IL1RAPL2: variants seen among roughly 807,000 people sequenced by gnomAD.
IL1RAPL2 encodes the protein interleukin 1 receptor accessory protein like 2, also known as X-linked interleukin-1 receptor accessory protein-like 2.
A neutral mutation model predicts 44.1 loss-of-function variants in IL1RAPL2; 3 were observed. That is an observed-to-expected ratio of 0.07 (90% CI 0.03 to 0.18). IL1RAPL2 has a LOEUF of 0.18. Ranked by LOEUF, IL1RAPL2 falls within the 10% of genes least tolerant of loss-of-function variation. The probability of loss-of-function intolerance (pLI) is 1.00; values close to 1 mark genes in which losing one functional copy is unlikely to be tolerated. For synonymous variants in IL1RAPL2, 181 were observed against 178.8 expected (o/e 1.01, Z -0.10); for missense variants, 391 against 496.4 (o/e 0.79, Z 2.02).
intron 5 of IL1RAPL2, among the ~76,000 whole-genome samples, chrX:105,357,106 A>G (rs773038535): frequency 1.8e-5 from 2 of 111,625 alleles, no homozygotes; most frequent in South Asian, 7.5e-4. Flanking sequence ...TTAAGAGCCA[A>G]AAAATCCTGG....
At chrX:105,631,222 C>T (rs1271356981) in intron 6 of IL1RAPL2, among the ~76,000 whole-genome samples, 2 of 111,575 alleles carry the variant, frequency 1.8e-5, no homozygotes, top group Non-Finnish European at 3.8e-5. Flanking sequence ...TTTAAAATGA[C>T]ACATTATAAG....
chrX:105,560,190 T>C (rs1001048630), intron 6 of IL1RAPL2, among the ~76,000 whole-genome samples: 1 of 111,721 alleles, frequency 9.0e-6, no homozygotes, highest in African/African-American at 3.3e-5. Flanking sequence ...TACTACACCT[T>C]TAAAGAAGGT....
intron 2 of IL1RAPL2, among the ~76,000 whole-genome samples, chrX:104,845,394 G>GA (rs1433283869): frequency 8.9e-6 from 1 of 112,025 alleles, no homozygotes; most frequent in Non-Finnish European, 1.9e-5. Context: ...GGATCTCTAA[G>GA]AAAAAATGTT....
chrX:105,077,992 C>T (rs1259057355), intron 2 of IL1RAPL2, among the ~76,000 whole-genome samples: 2 of 111,555 alleles, frequency 1.8e-5, no homozygotes. Flanking sequence ...GAACTTCCTC[C>T]TTTAGCTTGG....
At chrX:104,662,025 T>A (rs777114807) in intron 2 of IL1RAPL2, among the ~76,000 whole-genome samples, 18 of 112,438 alleles carry the variant, frequency 1.6e-4, no homozygotes, top group African/African-American at 5.8e-4. Flanking sequence ...ATGGCCACCC[T>A]TATGCACAAG....
intron 7 of IL1RAPL2, among the ~76,000 whole-genome samples, chrX:105,721,351 G>A (rs1025361275): frequency 9.1e-6 from 1 of 110,395 alleles, no homozygotes; most frequent in African/African-American, 3.3e-5. Context: ...GGGAGGCAGG[G>A]GTTGCAGTAA....
chrX:105,551,468 T>A (rs1471483923), intron 6 of IL1RAPL2, among the ~76,000 whole-genome samples: 1 of 111,161 alleles, frequency 9.0e-6, no homozygotes, highest in African/African-American at 3.3e-5. Flanking sequence ...CTGTGGACAT[T>A]TCAGTAGAAC....
chrX:105,592,172 C>A (rs780321363), intron 6 of IL1RAPL2, among the ~76,000 whole-genome samples: 3 of 111,531 alleles, frequency 2.7e-5, no homozygotes, highest in African/African-American at 9.8e-5. Context: ...TATGTAATGC[C>A]TTTCTTTAAT....
In IL1RAPL2 at chrX:105,346,096, T is replaced by TA. The variant is rs777474983; in HGVS notation, c.697+78564dup. ...TGTAGTGCTGTAAAGTAAAAATAAT[T>TA]AAAAAAAAACAAGCATTGTCTTAAG... On this transcript the variant is annotated intron_variant, in intron 5 of 10. Coordinates refer to ENST00000372582, the MANE Select transcript of IL1RAPL2 (RefSeq NM_017416.2). Among the ~76,000 whole-genome samples the TA allele has an allele frequency of 4.8e-3, 527 of 109,655 alleles. 5 individuals carry two copies. Among genetic ancestry groups the TA allele is most frequent in the African/African-American group, 0.015 (464 of 30,172 alleles).
intron 1 of IL1RAPL2, among the ~76,000 whole-genome samples, chrX:104,618,181 AG>A (rs1380294746): frequency 9.0e-6 from 1 of 111,549 alleles, no homozygotes; most frequent in Non-Finnish European, 1.9e-5. Flanking sequence ...CCTATAAGGT[AG>A]TTGATGGTAC....
intron 2 of IL1RAPL2, among the ~76,000 whole-genome samples, chrX:104,911,275 A>G (rs752461083): frequency 2.4e-4 from 27 of 112,078 alleles, no homozygotes; most frequent in Non-Finnish European, 4.9e-4. Context: ...AAAAGGGAAA[A>G]AAGCTACTTA....
chrX:105,732,194 T>C (rs1304357541), intron 7 of IL1RAPL2, among the ~76,000 whole-genome samples: 1 of 111,678 alleles, frequency 9.0e-6, no homozygotes, highest in Non-Finnish European at 1.9e-5. Context: ...TCTCCATGCT[T>C]TTTCTGCCTT....
At chrX:105,267,245 T>C in intron 4 of IL1RAPL2, 143 bp from the exon 5 acceptor site, 1 of 500,709 alleles carries the variant, frequency 2.0e-6, no homozygotes, top group South Asian at 3.6e-5. Flanking sequence ...GTGATTTTTC[T>C]TGGTCATTGA....
intron 5 of IL1RAPL2, among the ~76,000 whole-genome samples, chrX:105,358,093 C>T (rs2035217794): frequency 9.6e-6 from 1 of 103,734 alleles, no homozygotes; most frequent in Non-Finnish European, 2.0e-5. Flanking sequence ...TGCCTAGGAC[C>T]ACAATGGAGA....
intron 5 of IL1RAPL2, among the ~76,000 whole-genome samples, chrX:105,478,046 G>A (rs372327788): frequency 2.7e-5 from 3 of 110,783 alleles, no homozygotes; most frequent in East Asian, 5.7e-4. Flanking sequence ...ATGCTCCCAG[G>A]AATGCCATTC....
chrX:104,770,747 C>A (rs1055916407), intron 2 of IL1RAPL2, among the ~76,000 whole-genome samples: 2 of 111,967 alleles, frequency 1.8e-5, no homozygotes, highest in Non-Finnish European at 3.8e-5. Flanking sequence ...TATTTTTTAA[C>A]TTTTATGTTA....
At chrX:104,974,193 C>A (rs1239589174) in intron 2 of IL1RAPL2, among the ~76,000 whole-genome samples, 3 of 111,628 alleles carry the variant, frequency 2.7e-5, no homozygotes, top group Non-Finnish European at 5.6e-5. Flanking sequence ...ATGTGTTTAA[C>A]ATTTTTACTT....
At chrX:104,592,145 A>ATATGTGTGTGTG (rs1361322909) in intron 1 of IL1RAPL2, among the ~76,000 whole-genome samples, 1 of 60,222 alleles carries the variant, frequency 1.7e-5, no homozygotes, top group African/African-American at 6.4e-5. Flanking sequence ...ATGCCCGTAT[A>ATATGTGTGTGTG]TGTGTGTGTG....
intron 2 of IL1RAPL2, among the ~76,000 whole-genome samples, chrX:104,911,312 A>G (rs922346860): frequency 1.8e-5 from 2 of 112,145 alleles, no homozygotes; most frequent in Non-Finnish European, 3.8e-5. Flanking sequence ...TAGCATAACC[A>G]TCATAAAACC....
Sources: gnomAD v4.1 joint callset for allele counts (sites outside exome capture counted in the v4.1 genomes callset) on GRCh38, gnomAD v4.1.1 for gene constraint, MANE v1.5 for transcripts, NCBI Gene and HGNC (gene_info 2026-07-23, HGNC 2026-07-21) for gene names.